Variants in KCNIP4 observed in about 807,000 individuals in gnomAD.
The protein encoded by KCNIP4 is Kv channel-interacting protein 4.
KCNIP4 carries 12 observed loss-of-function variants against 34.0 expected under a neutral mutation model. The ratio of observed to expected loss-of-function variants is 0.35; its 90% confidence interval spans 0.23 to 0.57. The LOEUF (loss-of-function observed/expected upper bound fraction) is 0.57, where lower values mean the gene tolerates loss of function less well. KCNIP4 is among the 20% of genes least tolerant of loss of function. The pLI is 0.83. For synonymous variants in KCNIP4, 124 were observed against 102.2 expected, an observed-to-expected ratio of 1.21 and a Z score of -1.29; for missense variants, 238 against 311.7, an observed-to-expected ratio of 0.76 and a Z score of 1.78.
intron 1 of KCNIP4, chr4:21,697,724 T>C (rs997820868): frequency 1.7e-6 from 2 of 1,171,132 alleles, no homozygotes; most frequent in South Asian, 2.9e-5. Context: ...GGTTCACACT[T>C]GTAGTAACCC....
At chr4:21,667,231 C>T (rs1456632005) in intron 1 of KCNIP4, among the ~76,000 whole-genome samples, 1 of 152,178 alleles carries the variant, frequency 6.6e-6, no homozygotes, top group Non-Finnish European at 1.5e-5. Flanking sequence ...AATTCCGGCT[C>T]ATCTCACATT....
intron 1 of KCNIP4, among the ~76,000 whole-genome samples, chr4:21,318,817 C>G (rs1319998309): frequency 1.3e-5 from 2 of 152,062 alleles, no homozygotes; most frequent in East Asian, 3.9e-4. Flanking sequence ...TAAAAACCCT[C>G]TTGGGTTTTT....
At chr4:21,477,706 G>T (rs759523616) in intron 1 of KCNIP4, among the ~76,000 whole-genome samples, 19 of 152,186 alleles carry the variant, frequency 1.2e-4, no homozygotes, top group Non-Finnish European at 2.1e-4. Context: ...AAATATTTAT[G>T]AATGGGTGTT....
chr4:20,956,391 G>C lies in KCNIP4; in HGVS notation c.62-73682C>G, dbSNP rs555770162. Among the ~76,000 whole-genome samples the C allele has an allele frequency of 1.4e-4, 22 of 152,150 alleles. 1 individual carries two copies. The South Asian group carries it at 4.1e-3, about 29-fold the overall frequency. On this transcript the variant is annotated intron_variant, in intron 1 of 8. Transcript: ENST00000382152. ...GTGGTGGCGGGTGCCCGTGGTCCCA[G>C]CTACTTGGGAGGCTGAGGCAGGAGA...
At chr4:21,743,783 T>G (rs565401120) in intron 1 of KCNIP4, among the ~76,000 whole-genome samples, 16 of 149,724 alleles carry the variant, frequency 1.1e-4, no homozygotes, top group Non-Finnish European at 1.8e-4. Context: ...AGAGAGAAGA[T>G]GCAAAGGTTA....
intron 1 of KCNIP4, among the ~76,000 whole-genome samples, chr4:21,549,148 A>C (rs1190698479): frequency 6.6e-6 from 1 of 152,006 alleles, no homozygotes; most frequent in Non-Finnish European, 1.5e-5. Context: ...TTCTTCCAAT[A>C]ATAGATGCTA....
chr4:21,655,386 C>T (rs1247078083), intron 1 of KCNIP4, among the ~76,000 whole-genome samples: 1 of 151,796 alleles, frequency 6.6e-6, no homozygotes, highest in African/African-American at 2.4e-5. Flanking sequence ...CCAGAAACTG[C>T]CAACACATTT....
intron 1 of KCNIP4, among the ~76,000 whole-genome samples, chr4:21,339,239 G>T (rs1716487938): frequency 1.3e-5 from 2 of 152,182 alleles, no homozygotes; most frequent in African/African-American, 4.8e-5. Context: ...ATGCCTATTT[G>T]TTCACTGAAA....
chr4:21,337,009 G>T (rs567931330), intron 1 of KCNIP4, among the ~76,000 whole-genome samples: 1 of 152,112 alleles, frequency 6.6e-6, no homozygotes, highest in South Asian at 2.1e-4. Context: ...AAGATGGTAT[G>T]GATGGAATGG....
At chr4:21,250,539 T>TGA (rs1760627320) in intron 1 of KCNIP4, among the ~76,000 whole-genome samples, 1 of 152,156 alleles carries the variant, frequency 6.6e-6, no homozygotes, top group South Asian at 2.1e-4. Flanking sequence ...ATACAAAATT[T>TGA]GATACTGACT....
intron 1 of KCNIP4, among the ~76,000 whole-genome samples, chr4:21,293,828 G>A (rs1281958701): frequency 1.3e-5 from 2 of 152,176 alleles, no homozygotes; most frequent in Non-Finnish European, 2.9e-5. Context: ...GAATGGGAAG[G>A]GGTCCATGCA....
At chr4:21,685,994 T>C (rs773421405) in intron 1 of KCNIP4, among the ~76,000 whole-genome samples, 7 of 152,256 alleles carry the variant, frequency 4.6e-5, no homozygotes, top group East Asian at 1.9e-4. Context: ...AAAAGCTTTT[T>C]ATAGAACTGG....
chr4:21,648,727 C>A (rs1160717806), intron 1 of KCNIP4, among the ~76,000 whole-genome samples: 2 of 152,112 alleles, frequency 1.3e-5, no homozygotes, highest in Non-Finnish European at 2.9e-5. Flanking sequence ...GGTAATCAAG[C>A]ATTGGCCTAA....
At chr4:21,413,028 G>A (rs532607088) in intron 1 of KCNIP4, among the ~76,000 whole-genome samples, 1 of 152,296 alleles carries the variant, frequency 6.6e-6, no homozygotes, top group African/African-American at 2.4e-5. Context: ...GTTATGTGCA[G>A]GACTGGCAAG....
At chr4:21,002,906 G>C (rs747279852) in intron 1 of KCNIP4, among the ~76,000 whole-genome samples, 2 of 152,040 alleles carry the variant, frequency 1.3e-5, no homozygotes, top group Non-Finnish European at 1.5e-5. Flanking sequence ...TTTAACCCTG[G>C]ATCACATCTT....
intron 1 of KCNIP4, among the ~76,000 whole-genome samples, chr4:20,889,766 TC>T (rs777116030): frequency 1.3e-4 from 15 of 119,344 alleles, no homozygotes; most frequent in Admixed American, 2.4e-4. Flanking sequence ...AACTGGAAGT[TC>T]AAAAAAAAAA....
At chr4:21,772,318 A>C (rs781680158) in intron 1 of KCNIP4, among the ~76,000 whole-genome samples, 22 of 152,058 alleles carry the variant, frequency 1.4e-4, no homozygotes, top group Non-Finnish European at 2.4e-4. Flanking sequence ...TGCTGGATTT[A>C]GTTTGCCAGT....
intron 1 of KCNIP4, among the ~76,000 whole-genome samples, chr4:20,908,440 C>CCATTACA (rs1317762214): frequency 6.6e-6 from 1 of 152,108 alleles, no homozygotes; most frequent in Admixed American, 6.6e-5. Flanking sequence ...CTAACGATTG[C>CCATTACA]CATTACACAC....
In KCNIP4 at chr4:21,619,150, T is replaced by C. The variant is rs577410634; in HGVS notation, c.61+329421A>G. On this transcript the variant is annotated intron_variant, in intron 1 of 8. Coordinates refer to ENST00000382152, the MANE Select transcript of KCNIP4 (RefSeq NM_025221.6). ...AAAGATAGAAGTTAGTCCATTGGCC[T>C]CCGACTTCCCTCCTTAAGTCCTCGT... Among the ~76,000 whole-genome samples, 454 of 147,654 alleles carry C rather than the reference T, an allele frequency of 3.1e-3. 1 individual carries two copies. Among genetic ancestry groups the C allele is most frequent in the African/African-American group, 0.011 (444 of 41,258 alleles).
Sources: allele counts gnomAD v4.1 joint callset (sites outside exome capture counted in the v4.1 genomes callset), GRCh38; gene constraint gnomAD v4.1.1; transcripts MANE v1.5; gene names NCBI Gene and HGNC (gene_info 2026-07-23, HGNC 2026-07-21).